Variants in EBF2 observed in about 807,000 individuals in gnomAD.
The protein encoded by EBF2 is transcription factor COE2.
EBF2 carries 21 observed loss-of-function variants against 72.8 expected under a neutral mutation model. The observed-to-expected ratio is 0.29, with a 90% CI of 0.20 to 0.42. The LOEUF (loss-of-function observed/expected upper bound fraction) is 0.42. Ranked by LOEUF, EBF2 falls within the 10% of genes least tolerant of loss-of-function variation. The pLI, the probability that EBF2 is intolerant of heterozygous loss-of-function variation, is 1.00. For synonymous variants in EBF2, 299 were observed against 274.2 expected (o/e 1.09, Z -0.89); for missense variants, 637 against 731.2 (o/e 0.87, Z 1.49).
At chr8:25,959,847 G>A (rs1357241395) in intron 6 of EBF2, among the ~76,000 whole-genome samples, 1 of 152,110 alleles carries the variant, frequency 6.6e-6, no homozygotes, top group Non-Finnish European at 1.5e-5. Flanking sequence ...AGAAGCAAAT[G>A]GCACCCAACA....
Position 26,044,838 on chromosome 8 carries a change from A to C in EBF2, c.22T>G (p.Leu8Val), listed in dbSNP as rs1304242485. MFGIQDT[L>V]GRGPTLKEKS... ...TCTTTCAGAGTTGGTCCTCTTCCTA[A>C]AGTATCTTGAATTCCAAACATTTAA... Residue 8 changes from leucine to valine, a missense_variant, in exon 1 of 16, where the codon TTA (leucine) becomes GTA (valine). By Grantham distance (32) the Leu-to-Val change is conservative. Around this residue, in one of 3 missense-constraint regions of EBF2, gnomAD observed 174 missense variants for 161.9 expected, o/e 1.07. Transcript: ENST00000520164. This position sits in a 1 kb window ranked among gnomAD's most constrained non-coding sequence, Gnocchi z 4.1. 1.9e-6 allele frequency: 3 copies of C among 1,613,942 alleles called. No homozygotes were observed. The highest frequency in any genetic ancestry group is 1.7e-6 in the Non-Finnish European group (2 of 1,180,018).
At chr8:25,905,079 T>C (rs540938327) in intron 7 of EBF2, among the ~76,000 whole-genome samples, 7 of 152,188 alleles carry the variant, frequency 4.6e-5, no homozygotes, top group African/African-American at 1.7e-4. Flanking sequence ...AAATGAGCAA[T>C]AAGCACATGA....
At chr8:25,890,412 A>G (rs1802757607) in intron 7 of EBF2, among the ~76,000 whole-genome samples, 1 of 152,234 alleles carries the variant, frequency 6.6e-6, no homozygotes, top group African/African-American at 2.4e-5. Context: ...TAAGGTTGCC[A>G]TAATTCAGTG....
At chr8:25,914,099 G>A (rs1365848751) in intron 6 of EBF2, among the ~76,000 whole-genome samples, 2 of 152,158 alleles carry the variant, frequency 1.3e-5, no homozygotes, top group Admixed American at 1.3e-4. Context: ...GGCAATCCAA[G>A]CTCTCACACC....
intron 6 of EBF2, among the ~76,000 whole-genome samples, chr8:25,925,786 G>A: frequency 6.6e-6 from 1 of 152,066 alleles, no homozygotes; most frequent in East Asian, 1.9e-4. Flanking sequence ...TCCCTTCACA[G>A]CCGATCTGGG....
At chr8:26,019,416 T>A (rs895507112) in intron 6 of EBF2, among the ~76,000 whole-genome samples, 2 of 152,102 alleles carry the variant, frequency 1.3e-5, no homozygotes, top group Non-Finnish European at 2.9e-5. Context: ...ACAGAATAGA[T>A]CTCAATCCAA....
At chr8:26,025,183 T>C (rs919463882) in intron 6 of EBF2, among the ~76,000 whole-genome samples, 1 of 152,122 alleles carries the variant, frequency 6.6e-6, no homozygotes, top group Admixed American at 6.5e-5. Flanking sequence ...AAGATCTGTG[T>C]TCCGGACAGG....
chr8:26,002,826 A>ACAGGCAGG (rs765733160), intron 6 of EBF2, among the ~76,000 whole-genome samples: 21 of 148,498 alleles, frequency 1.4e-4, no homozygotes, highest in Non-Finnish European at 2.4e-4. Flanking sequence ...AGCCAACGGG[A>ACAGGCAGG]CAGGCAGGCA....
intron 6 of EBF2, among the ~76,000 whole-genome samples, chr8:26,002,928 AGGCAGGCAGGCAGGCG>A (rs1554480515): frequency 2.0e-3 from 20 of 10,108 alleles, no homozygotes; most frequent in South Asian, 0.02. Flanking sequence ...GCAGGCGGGC[AGGCAGGCAGGCAGGCG>A]GGCGGGCAGG....
intron 10 of EBF2, among the ~76,000 whole-genome samples, chr8:25,886,339 T>C (rs551467617): frequency 1.3e-5 from 2 of 152,350 alleles, no homozygotes; most frequent in East Asian, 3.9e-4. Context: ...TTGACTAATA[T>C]ATGATGTTTA....
chr8:25,902,811 T>G (rs1327682262), intron 7 of EBF2, among the ~76,000 whole-genome samples: 1 of 152,104 alleles, frequency 6.6e-6, no homozygotes, highest in East Asian at 1.9e-4. Context: ...CCTTAAAGCA[T>G]GAAAAGGAGT....
intron 6 of EBF2, among the ~76,000 whole-genome samples, chr8:26,001,612 C>T (rs144501905): frequency 0.018 from 2,691 of 151,856 alleles, 86 homozygotes; most frequent in African/African-American, 0.062. Context: ...TGCAATTGTG[C>T]GATCTTGGCT....
At chr8:25,945,849 G>C (rs1803760585) in intron 6 of EBF2, among the ~76,000 whole-genome samples, 2 of 151,930 alleles carry the variant, frequency 1.3e-5, no homozygotes, top group African/African-American at 4.8e-5. Context: ...GAAGCACTCA[G>C]GACTCCTAAA....
At position 25,910,308 on chromosome 8, in the gene EBF2, TTGTG is replaced by T. The variant is rs1803105437; in HGVS notation, c.552-1757_552-1754del. Among the ~76,000 whole-genome samples, 19 of 152,296 alleles carry T rather than the reference TTGTG, an allele frequency of 1.2e-4. No homozygotes were observed. The South Asian group carries it at 3.7e-3, about 30-fold the overall frequency. On this transcript the variant is annotated intron_variant, in intron 6 of 15. Coordinates refer to ENST00000520164, the MANE Select transcript of EBF2 (RefSeq NM_022659.4). ...GCTTGCAAATATTGCCTTTTCCCAC[TTGTG>T]TGTGTTTCTGAACAATAGCCCCCGC...
intron 10 of EBF2, among the ~76,000 whole-genome samples, chr8:25,863,188 ATTC>A (rs2117264576): frequency 6.6e-6 from 1 of 152,216 alleles, no homozygotes; most frequent in African/African-American, 2.4e-5. Context: ...TCTATGAAAT[ATTC>A]TTCTAAATAT....
At chr8:25,850,498 G>T in intron 15 of EBF2, 96 bp downstream of exon 15, 1 of 1,352,054 alleles carries the variant, frequency 7.4e-7, no homozygotes, top group Middle Eastern at 2.7e-4. Context: ...TCTCTTTGCA[G>T]GTAAATGGCT....
At chr8:25,846,401 C>T (rs1007448924) in intron 15 of EBF2, among the ~76,000 whole-genome samples, 1 of 152,050 alleles carries the variant, frequency 6.6e-6, no homozygotes, top group African/African-American at 2.4e-5. Flanking sequence ...GACTCACAAA[C>T]TCCTGGCTGG....
At chr8:25,875,425 T>C (rs1331545718) in intron 10 of EBF2, among the ~76,000 whole-genome samples, 1 of 152,208 alleles carries the variant, frequency 6.6e-6, no homozygotes, top group Non-Finnish European at 1.5e-5. Flanking sequence ...CACTCTGTCA[T>C]CAGCTCTCTT....
In EBF2 at chr8:25,843,863, G is replaced by T. The variant is rs1801779626; in HGVS notation, c.*746C>A. 1 of 152,074 alleles carries T rather than the reference G, an allele frequency of 6.6e-6. No individual in the cohort carries two copies. Among genetic ancestry groups the T allele is most frequent in the Non-Finnish European group, 1.5e-5 (1 of 68,022 alleles). 9.4% of individuals were successfully genotyped at this position (152,074 alleles called of 1,614,324 possible). A position where few individuals can be genotyped will look rare whatever the true frequency, so the allele number is the denominator to read the frequency against. On this transcript the variant is annotated 3_prime_UTR_variant, in exon 16 of 16. Transcript: ENST00000520164. Reference sequence around the variant, plus strand: ...GTGCAGGACAGGGGATAAGAATCTAGTAAGTAACTGCAGTAATAATCACAC... The same window carrying T: ...GTGCAGGACAGGGGATAAGAATCTATTAAGTAACTGCAGTAATAATCACAC...
Sources: allele counts gnomAD v4.1 joint callset (sites outside exome capture counted in the v4.1 genomes callset), GRCh38; gene constraint gnomAD v4.1.1; regional missense constraint gnomAD v4.1.1; non-coding constraint Gnocchi (gnomAD v3.1); transcripts MANE v1.5; gene names NCBI Gene and HGNC (gene_info 2026-07-23, HGNC 2026-07-21).